UBP1: variants seen among roughly 807,000 people sequenced by gnomAD.
UBP1 encodes upstream binding protein 1.
Under a neutral mutation model 76.1 loss-of-function variants are expected in UBP1, and 22 were observed. That is an observed-to-expected ratio of 0.29 (90% confidence interval 0.21 to 0.41). The LOEUF (loss-of-function observed/expected upper bound fraction) is 0.41, where lower values mean the gene tolerates loss of function less well. UBP1 is among the 10% of genes least tolerant of loss of function. UBP1 has a pLI of 1.00. For synonymous variants in UBP1, 224 were observed against 237.1 expected, an observed-to-expected ratio of 0.94 and a Z score of 0.51; for missense variants, 436 against 668.1, an observed-to-expected ratio of 0.65 and a Z score of 3.83.
At chr3:33,432,058 T>A (rs370451627) in intron 1 of UBP1, among the ~76,000 whole-genome samples, 1 of 152,228 alleles carries the variant, frequency 6.6e-6, no homozygotes, top group Non-Finnish European at 1.5e-5. Flanking sequence ...CTGGGTGCAG[T>A]GGCTCACACC....
chr3:33,394,188 ATTT>A (rs879359804), intron 13 of UBP1, among the ~76,000 whole-genome samples: 10 of 125,530 alleles, frequency 8.0e-5, no homozygotes, highest in East Asian at 5.3e-4. Flanking sequence ...TGCCTGGCTA[ATTT>A]TTATTATTAT....
At chr3:33,393,915 T>C (rs540303060) in intron 13 of UBP1, among the ~76,000 whole-genome samples, 7 of 152,342 alleles carry the variant, frequency 4.6e-5, no homozygotes, top group African/African-American at 1.7e-4. Flanking sequence ...GGGAGGACTT[T>C]ATGGTATGTA....
chr3:33,429,893 G>A (rs2045084731), intron 1 of UBP1, among the ~76,000 whole-genome samples: 1 of 152,112 alleles, frequency 6.6e-6, no homozygotes, highest in Non-Finnish European at 1.5e-5. Context: ...ATAATTATGT[G>A]AATGTACTGA....
At chr3:33,427,886 A>G (rs1311704381) in intron 1 of UBP1, among the ~76,000 whole-genome samples, 1 of 152,210 alleles carries the variant, frequency 6.6e-6, no homozygotes, top group Non-Finnish European at 1.5e-5. Context: ...GGGGGCAGAT[A>G]TAAAAACTTT....
chr3:33,392,582 A>G lies in UBP1; in HGVS notation c.1566T>C (p.Phe522=), dbSNP rs770249901. Residue 522 remains phenylalanine (F), a synonymous_variant, in exon 15 of 16, where the codon TTT becomes TTC. Coordinates refer to ENST00000283629, the MANE Select transcript of UBP1 (RefSeq NM_014517.5). ...AAGTACCTTTTACTGTGGAGAATAA[A>G]AAACAACTCTCATCTTGAAAATTCT... The part of the protein sequence containing the change: ...MVQNFQDESC[F]LFSTVKAESS... 6.2e-7 allele frequency: 1 copy of G among 1,612,250 alleles called. No individual in the cohort carries two copies. The highest frequency in any genetic ancestry group is 8.5e-7 in the Non-Finnish European group (1 of 1,179,380).
At chr3:33,434,133 T>C (rs2045162032) in intron 1 of UBP1, among the ~76,000 whole-genome samples, 1 of 152,074 alleles carries the variant, frequency 6.6e-6, no homozygotes, top group Non-Finnish European at 1.5e-5. Context: ...ATATAAACTG[T>C]ACTATATCTT....
intron 15 of UBP1, chr3:33,391,553 T>A (rs185302807): frequency 6.6e-6 from 1 of 152,192 alleles, no homozygotes; most frequent in Non-Finnish European, 1.5e-5. Context: ...TTGACATTTC[T>A]ACATATCCAA....
intron 5 of UBP1, among the ~76,000 whole-genome samples, chr3:33,410,305 C>T (rs1381299698): frequency 6.6e-6 from 1 of 152,182 alleles, no homozygotes; most frequent in African/African-American, 2.4e-5. Flanking sequence ...GCTGCACATC[C>T]CCCTCTTCTA....
At position 33,389,695 on chromosome 3, in the gene UBP1, G is replaced by A. The variant is rs1257504281; in HGVS notation, c.*636C>T. The stretch of plus-strand genomic sequence containing the variant: ...GGATTTACACTGATCCTCTCACCAA[G>A]GTACTCCTGATAATGCAGTTTGCTT... On this transcript the variant is annotated 3_prime_UTR_variant, in exon 16 of 16. Transcript: ENST00000283629. 1 of 152,542 alleles carries A rather than the reference G, an allele frequency of 6.6e-6. No homozygotes were observed. The highest frequency in any genetic ancestry group is 1.5e-5 in the Non-Finnish European group (1 of 68,070). 9.4% of individuals were successfully genotyped at this position (152,542 alleles called of 1,614,324 possible).
chr3:33,401,703 C>T (rs560198787), intron 9 of UBP1, among the ~76,000 whole-genome samples: 14 of 152,290 alleles, frequency 9.2e-5, no homozygotes, highest in African/African-American at 3.1e-4. Context: ...CTCCTTCAGA[C>T]GGGGGTCTGT....
intron 14 of UBP1, 45 bp from the exon 15 acceptor site, chr3:33,392,659 G>T (rs750153873): frequency 1.4e-5 from 21 of 1,537,636 alleles, no homozygotes; most frequent in African/African-American, 2.8e-5. Context: ...AGATCCAACT[G>T]TCGTTTCTTA....
At chr3:33,433,411 G>A (rs1025204019) in intron 1 of UBP1, among the ~76,000 whole-genome samples, 5 of 149,398 alleles carry the variant, frequency 3.3e-5, no homozygotes, top group Non-Finnish European at 5.9e-5. Context: ...GCCGGGCACC[G>A]TGGGAGTCCG....
At chr3:33,401,071 TAATC>T in intron 9 of UBP1, 55 bp from the exon 10 acceptor site, 2 of 1,488,354 alleles carry the variant, frequency 1.3e-6, no homozygotes, top group Non-Finnish European at 1.8e-6. Context: ...ATATATGTTT[TAATC>T]AAGGCATTAA....
intron 3 of UBP1, among the ~76,000 whole-genome samples, chr3:33,413,447 T>C (rs1318689652): frequency 6.7e-6 from 1 of 148,442 alleles, no homozygotes; most frequent in Non-Finnish European, 1.5e-5. Flanking sequence ...CTTGGGAGGC[T>C]GAGGCAGAAG....
chr3:33,402,145 AACT>A (rs1049498134), intron 9 of UBP1, among the ~76,000 whole-genome samples: 88 of 152,290 alleles, frequency 5.8e-4, no homozygotes, highest in African/African-American at 1.9e-3. Flanking sequence ...TTCTGATGCT[AACT>A]ACTCTGCATT....
intron 2 of UBP1, among the ~76,000 whole-genome samples, chr3:33,419,489 G>A (rs1434570926): frequency 1.3e-5 from 2 of 152,108 alleles, no homozygotes; most frequent in South Asian, 2.1e-4. Context: ...CTAGCTGGGC[G>A]TGGTGGCAGG....
At chr3:33,435,294 C>T (rs1256478028) in intron 1 of UBP1, among the ~76,000 whole-genome samples, 2 of 152,136 alleles carry the variant, frequency 1.3e-5, no homozygotes, top group African/African-American at 4.8e-5. Context: ...ACAGAAATTA[C>T]TGCCAATTCT....
rs147656088 is a variant in UBP1, at chr3:33,421,516, C to T, written c.265+4074G>A. On this transcript the variant is annotated intron_variant, in intron 2 of 15. Transcript: ENST00000283629. ...AACTCTTAACCTCACGTGATCTGCC[C>T]ACCTCAGCCTCCCAAAGTGCTGGGA... 2.9e-3 allele frequency among the ~76,000 whole-genome samples: 443 copies of T among 152,204 alleles called. 14 individuals are homozygous for T. In the East Asian group the frequency reaches 0.075, roughly 26 times the overall value.
intron 2 of UBP1, among the ~76,000 whole-genome samples, chr3:33,425,119 T>C (rs2044990883): frequency 1.3e-5 from 2 of 152,008 alleles, no homozygotes; most frequent in South Asian, 4.1e-4. Context: ...ATCACTGAAA[T>C]GTAACACTCT....
Sources: gnomAD v4.1 joint callset for allele counts (sites outside exome capture counted in the v4.1 genomes callset) on GRCh38, gnomAD v4.1.1 for gene constraint, MANE v1.5 for transcripts, NCBI Gene and HGNC (gene_info 2026-07-23, HGNC 2026-07-21) for gene names.